PATJ: variants seen among roughly 807,000 people sequenced by gnomAD.
PATJ encodes inaD-like protein.
Under a neutral mutation model 224.9 loss-of-function variants are expected in PATJ, and 190 were observed. The observed-to-expected ratio is 0.84, with a 90% CI of 0.75 to 0.95. The LOEUF is 0.95. PATJ is among the 40% of genes least tolerant of loss of function. PATJ has a pLI of 0.00. For synonymous variants in PATJ, 769 were observed against 820.3 expected (o/e 0.94, Z 1.07); for missense variants, 2,121 against 2,270.3 (o/e 0.93, Z 1.34).
At chr1:61,968,874 A>G (rs1282570808) in intron 27 of PATJ, among the ~76,000 whole-genome samples, 1 of 152,178 alleles carries the variant, frequency 6.6e-6, no homozygotes, top group Non-Finnish European at 1.5e-5. Context: ...GTTTTATAAG[A>G]ACTCCTTTTC....
At chr1:62,040,283 A>G (rs1651228386) in intron 30 of PATJ, among the ~76,000 whole-genome samples, 2 of 151,404 alleles carry the variant, frequency 1.3e-5, no homozygotes, top group South Asian at 4.2e-4. Context: ...TAATTTTTGT[A>G]TTTTTAGTAG....
intron 27 of PATJ, among the ~76,000 whole-genome samples, chr1:61,935,517 G>T (rs1229352456): frequency 1.3e-5 from 2 of 152,152 alleles, no homozygotes; most frequent in African/African-American, 4.8e-5. Context: ...GTGTGGCCAG[G>T]CGTAGTGGCT....
At chr1:61,767,678 C>CTTTTTTTTTTT (rs1163770714) in intron 4 of PATJ, among the ~76,000 whole-genome samples, 3 of 134,972 alleles carry the variant, frequency 2.2e-5, no homozygotes, top group Admixed American at 8.0e-5. Context: ...CTTTTCTTTT[C>CTTTTTTTTTTT]TTTTTTTTTT....
Position 62,153,177 on chromosome 1 carries a change from T to C in PATJ, c.5379-181T>C, listed in dbSNP as rs80347841. Among the ~76,000 whole-genome samples the C allele has an allele frequency of 3.2e-3, 495 of 152,354 alleles. 20 individuals are homozygous for C. In the East Asian group the frequency reaches 0.085, roughly 26 times the overall value. ...AACATCAAGAATATTGGTGATTAAT[T>C]AGCATGACATGAGAAGTTAGAAAAT... On this transcript the variant is annotated intron_variant, in intron 42 of 43. Transcript: ENST00000642238.
chr1:61,765,090 T>C (rs865808583), intron 3 of PATJ, among the ~76,000 whole-genome samples: 93 of 126,572 alleles, frequency 7.3e-4, no homozygotes, highest in Non-Finnish European at 9.8e-4. Context: ...TTTTTTTTTT[T>C]TTTTTTTTTG....
At chr1:62,088,245 G>A (rs1025046993) in intron 33 of PATJ, among the ~76,000 whole-genome samples, 3 of 152,144 alleles carry the variant, frequency 2.0e-5, no homozygotes, top group African/African-American at 7.2e-5. Context: ...GAAACACTTT[G>A]ACTAGCGCCA....
intron 27 of PATJ, among the ~76,000 whole-genome samples, chr1:61,953,849 C>A (rs1185210760): frequency 1.3e-5 from 2 of 152,150 alleles, no homozygotes; most frequent in African/African-American, 4.8e-5. Flanking sequence ...AACTGGCCAT[C>A]CCTGATCATT....
At chr1:61,820,969 C>T (rs1229049394) in intron 14 of PATJ, among the ~76,000 whole-genome samples, 2 of 149,688 alleles carry the variant, frequency 1.3e-5, no homozygotes, top group Non-Finnish European at 3.0e-5. Context: ...TGATTTGGTA[C>T]AATGACAGGA....
chr1:62,081,652 C>G (rs1659296562), intron 32 of PATJ, among the ~76,000 whole-genome samples: 1 of 152,062 alleles, frequency 6.6e-6, no homozygotes, highest in Non-Finnish European at 1.5e-5. Context: ...ACTGCAACCT[C>G]TGCCTCCTGG....
intron 30 of PATJ, among the ~76,000 whole-genome samples, chr1:62,043,896 A>G (rs1432651532): frequency 6.6e-6 from 1 of 152,028 alleles, no homozygotes; most frequent in Non-Finnish European, 1.5e-5. Flanking sequence ...CCTGGCTACT[A>G]TAAGATTTTT....
intron 41 of PATJ, among the ~76,000 whole-genome samples, chr1:62,144,777 A>AAAAAAT (rs377489788): frequency 1.6e-3 from 189 of 119,098 alleles, no homozygotes; most frequent in Non-Finnish European, 2.4e-3. Flanking sequence ...AAAAAAAAAA[A>AAAAAAT]ATATATATAT....
chr1:62,121,373 G>A (rs1005208781), intron 38 of PATJ, 78 bp downstream of exon 38: 8 of 868,176 alleles, frequency 9.2e-6, no homozygotes, highest in Admixed American at 5.1e-5. Context: ...TTAAAAACCA[G>A]TCTTCTTTAA....
chr1:61,833,626 G>C (rs1659702055), intron 16 of PATJ, 28 bp from the exon 17 acceptor site: 1 of 1,593,220 alleles, frequency 6.3e-7, no homozygotes, highest in Non-Finnish European at 8.5e-7. Flanking sequence ...ATAGTGTTTT[G>C]AAGCATTTAT....
At chr1:61,999,473 G>T (rs1645613883) in intron 28 of PATJ, among the ~76,000 whole-genome samples, 1 of 152,084 alleles carries the variant, frequency 6.6e-6, no homozygotes, top group Non-Finnish European at 1.5e-5. Context: ...TTCAAGACCA[G>T]CCTGGCCAAC....
intron 7 of PATJ, among the ~76,000 whole-genome samples, chr1:61,779,846 A>G (rs773478541): frequency 2.0e-5 from 3 of 152,176 alleles, no homozygotes; most frequent in Non-Finnish European, 4.4e-5. Flanking sequence ...GGCTGCTTCC[A>G]TGGTGGAAGG....
intron 14 of PATJ, among the ~76,000 whole-genome samples, chr1:61,817,592 C>T (rs1390575096): frequency 2.6e-5 from 4 of 152,070 alleles, no homozygotes; most frequent in African/African-American, 7.2e-5. Context: ...ACTTGACAGG[C>T]GGTGGTTGCA....
chr1:61,772,440 G>T (rs1198399048), intron 6 of PATJ, among the ~76,000 whole-genome samples: 2 of 152,020 alleles, frequency 1.3e-5, no homozygotes, highest in Non-Finnish European at 2.9e-5. Context: ...TCTCTTTTGG[G>T]AACCCTTGAA....
intron 25 of PATJ, among the ~76,000 whole-genome samples, chr1:61,913,800 C>T (rs1673037836): frequency 1.3e-5 from 2 of 152,182 alleles, no homozygotes; most frequent in Admixed American, 1.3e-4. Context: ...AGATAACATG[C>T]TTGAACTGGG....
chr1:61,844,075 A>T (rs1422104105), intron 17 of PATJ, among the ~76,000 whole-genome samples: 2 of 152,208 alleles, frequency 1.3e-5, no homozygotes, highest in Non-Finnish European at 2.9e-5. Context: ...ACAAATAAGC[A>T]TATATTACAA....
Sources: allele counts gnomAD v4.1 joint callset (sites outside exome capture counted in the v4.1 genomes callset), GRCh38; gene constraint gnomAD v4.1.1; transcripts MANE v1.5; gene names NCBI Gene and HGNC (gene_info 2026-07-23, HGNC 2026-07-21).